STAG1: variants seen among roughly 807,000 people sequenced by gnomAD.
The protein encoded by STAG1 is STAG1 cohesin complex component.
Under a neutral mutation model 170.9 loss-of-function variants are expected in STAG1, and 26 were observed. That is an observed-to-expected ratio of 0.15 (90% CI 0.11 to 0.21). The LOEUF is 0.21. STAG1 is among the 10% of genes least tolerant of loss of function. STAG1 has a pLI of 1.00. For synonymous variants in STAG1, 514 were observed against 497.7 expected, an observed-to-expected ratio of 1.03 and a Z score of -0.44; for missense variants, 964 against 1,509.5, an observed-to-expected ratio of 0.64 and a Z score of 5.99.
At chr3:136,574,855 T>C (rs527263840) in intron 4 of STAG1, among the ~76,000 whole-genome samples, 3 of 152,142 alleles carry the variant, frequency 2.0e-5, no homozygotes, top group Non-Finnish European at 2.9e-5. Flanking sequence ...ACACCAACAA[T>C]TACAGAATAC....
chr3:136,455,870 C>T (rs1233290812), intron 13 of STAG1, among the ~76,000 whole-genome samples: 1 of 152,160 alleles, frequency 6.6e-6, no homozygotes, highest in Admixed American at 6.5e-5. Context: ...AATATAGTTC[C>T]AGGGAAGTGT....
chr3:136,370,519 C>T (rs1174864181), intron 23 of STAG1, among the ~76,000 whole-genome samples: 1 of 152,146 alleles, frequency 6.6e-6, no homozygotes, highest in African/African-American at 2.4e-5. Flanking sequence ...ACTCCCCCCA[C>T]CCCACAACAG....
At chr3:136,371,121 AT>A (rs1275931595) in intron 23 of STAG1, among the ~76,000 whole-genome samples, 6 of 151,996 alleles carry the variant, frequency 3.9e-5, no homozygotes, top group African/African-American at 1.5e-4. Context: ...GATGATGAGC[AT>A]TTTTTCATGT....
chr3:136,540,847 A>AAAAAAAAAAAAAAAAAAAAAAAAAAAAT (rs1935860203), intron 6 of STAG1, among the ~76,000 whole-genome samples: 1 of 145,460 alleles, frequency 6.9e-6, no homozygotes, highest in Non-Finnish European at 1.5e-5. Context: ...AAAAAAAAAA[A>AAAAAAAAAAAAAAAAAAAAAAAAAAAAT]AAAAACCTAT....
chr3:136,556,087 T>C (rs766167209), intron 5 of STAG1, among the ~76,000 whole-genome samples: 8 of 152,202 alleles, frequency 5.3e-5, no homozygotes, highest in Non-Finnish European at 1.0e-4. Flanking sequence ...GTGGTAGACA[T>C]GCTTTTCTGT....
At chr3:136,570,385 C>T (rs1166148825) in intron 4 of STAG1, among the ~76,000 whole-genome samples, 2 of 152,270 alleles carry the variant, frequency 1.3e-5, no homozygotes, top group East Asian at 1.9e-4. Flanking sequence ...GCCTTTTTTA[C>T]ATTGCTGAAT....
chr3:136,498,145 T>C (rs563987220), intron 9 of STAG1, among the ~76,000 whole-genome samples: 10 of 145,066 alleles, frequency 6.9e-5, no homozygotes, highest in African/African-American at 1.8e-4. Flanking sequence ...TGAGCCGACA[T>C]TGTGCCAGTG....
At chr3:136,610,523 G>A (rs574232823) in intron 3 of STAG1, among the ~76,000 whole-genome samples, 278 of 152,204 alleles carry the variant, frequency 1.8e-3, no homozygotes, top group Non-Finnish European at 3.0e-3. Flanking sequence ...AACTGAATTG[G>A]AGAAGTGTAT....
chr3:136,346,455 A>AT (rs1019111762), intron 29 of STAG1, among the ~76,000 whole-genome samples: 2 of 152,226 alleles, frequency 1.3e-5, no homozygotes, highest in African/African-American at 4.8e-5. Flanking sequence ...CATCTTAGTC[A>AT]TTTTGTAAAT....
chr3:136,343,241 C>A (rs1936057148), intron 30 of STAG1, among the ~76,000 whole-genome samples: 1 of 152,156 alleles, frequency 6.6e-6, no homozygotes, highest in South Asian at 2.1e-4. Flanking sequence ...CACGCCATCA[C>A]CCTCTGCCTT....
intron 9 of STAG1, among the ~76,000 whole-genome samples, chr3:136,495,055 C>A (rs1306808878): frequency 2.6e-5 from 4 of 152,128 alleles, no homozygotes; most frequent in Non-Finnish European, 5.9e-5. Context: ...ACTTACACTA[C>A]CTAATTTTAA....
chr3:136,423,436 T>C (rs2088018459), intron 16 of STAG1, among the ~76,000 whole-genome samples: 1 of 152,200 alleles, frequency 6.6e-6, no homozygotes, highest in South Asian at 2.1e-4. Context: ...CAACAGAAGC[T>C]AACACATTCT....
chr3:136,691,793 A>G (rs1268419348), intron 1 of STAG1, among the ~76,000 whole-genome samples: 1 of 152,228 alleles, frequency 6.6e-6, no homozygotes, highest in Non-Finnish European at 1.5e-5. Flanking sequence ...CTTCCTTACA[A>G]GCCAGCTACA....
At position 136,417,896 on chromosome 3, in the gene STAG1, T is replaced by G. The variant is rs777839037; in HGVS notation, c.2185A>C (p.Met729Leu). 5.0e-6 allele frequency: 8 copies of G among 1,613,550 alleles called. No individual in the cohort carries two copies. The African/African-American group carries it at 9.3e-5, about 19-fold the overall frequency. ...CAATAAACTCCTACCTGTTCTGGCA[T>G]GGCTCCATGTTCAATTCCAGTCTTC... ...LLKTGIEHGA[M>L]PEQIVVQALQ... The change falls in exon 21 of 34, where the codon ATG (methionine) becomes CTG (leucine). Residue 729 changes from methionine to leucine, a missense_variant. Coordinates refer to ENST00000383202, the MANE Select transcript of STAG1 (RefSeq NM_005862.3).
At chr3:136,528,172 T>C (rs545715646) in intron 6 of STAG1, among the ~76,000 whole-genome samples, 1 of 152,286 alleles carries the variant, frequency 6.6e-6, no homozygotes, top group East Asian at 1.9e-4. Flanking sequence ...AGCTATGCCC[T>C]GCCCCAGGGT....
intron 12 of STAG1, among the ~76,000 whole-genome samples, chr3:136,467,250 T>C (rs2089490535): frequency 6.6e-6 from 1 of 152,098 alleles, no homozygotes; most frequent in Non-Finnish European, 1.5e-5. Flanking sequence ...CAGTGTGCTG[T>C]ATTCAGGAGA....
At chr3:136,398,927 T>C (rs999594173) in intron 21 of STAG1, 98 bp from the exon 22 acceptor site, 3 of 625,196 alleles carry the variant, frequency 4.8e-6, no homozygotes, top group Admixed American at 3.9e-5. Flanking sequence ...CAGTTGTTAT[T>C]TTATAGTATA....
intron 25 of STAG1, among the ~76,000 whole-genome samples, chr3:136,364,414 A>G (rs1324962644): frequency 6.6e-6 from 1 of 152,130 alleles, no homozygotes; most frequent in Non-Finnish European, 1.5e-5. Flanking sequence ...AACAGACAAC[A>G]TCTAAAAGGT....
intron 5 of STAG1, among the ~76,000 whole-genome samples, chr3:136,549,502 T>C (rs1316842337): frequency 6.6e-6 from 1 of 152,068 alleles, no homozygotes; most frequent in Non-Finnish European, 1.5e-5. Context: ...GGTTTCACCA[T>C]GTTGGCCAGG....
Sources: allele counts gnomAD v4.1 joint callset (sites outside exome capture counted in the v4.1 genomes callset), GRCh38; gene constraint gnomAD v4.1.1; transcripts MANE v1.5; gene names NCBI Gene and HGNC (gene_info 2026-07-23, HGNC 2026-07-21).